The following LUZP2 variants were observed in gnomAD, a reference collection of about 807,000 sequenced individuals.
LUZP2 encodes the protein leucine zipper protein 2.
LUZP2 carries 52 observed loss-of-function variants against 51.6 expected under a neutral mutation model. That is an observed-to-expected ratio of 1.01 (90% CI 0.81 to 1.27). The LOEUF (loss-of-function observed/expected upper bound fraction) is 1.27, where lower values mean the gene tolerates loss of function less well. Among genes scored for constraint, LUZP2 ranks in the 50% most tolerant of loss-of-function variants. The probability of loss-of-function intolerance (pLI) is 0.00; values close to 1 mark genes in which losing one functional copy is unlikely to be tolerated. For missense variants in LUZP2, 436 were observed against 395.4 expected (o/e 1.10, Z -0.87); for synonymous variants, 154 against 137.3 (o/e 1.12, Z -0.85).
At chr11:24,856,390 C>A (rs1384116963) in intron 5 of LUZP2, among the ~76,000 whole-genome samples, 1 of 152,080 alleles carries the variant, frequency 6.6e-6, no homozygotes, top group African/African-American at 2.4e-5. Context: ...GAGATACCAT[C>A]TCATGCCAGT....
At chr11:24,905,132 T>G (rs984763676) in intron 5 of LUZP2, among the ~76,000 whole-genome samples, 2 of 152,038 alleles carry the variant, frequency 1.3e-5, no homozygotes, top group East Asian at 3.9e-4. Context: ...TAATAACAGA[T>G]CTAAATGGAG....
At chr11:24,637,141 A>G (rs1446074039) in intron 1 of LUZP2, among the ~76,000 whole-genome samples, 2 of 151,844 alleles carry the variant, frequency 1.3e-5, no homozygotes, top group African/African-American at 2.4e-5. Context: ...GAGTGTTAGA[A>G]ATATAAAAGC....
Position 24,914,556 on chromosome 11 carries a change from C to T in LUZP2, c.522+18C>T. ...TATTTAAGGTGAGTCTCTTTTCTCT[C>T]TTTTCCCTGAAACTTGCTAGCTCAA... is the stretch of plus-strand genomic sequence containing the variant. On this transcript the variant is annotated intron_variant, in intron 7 of 11. Transcript: ENST00000336930. The T allele has an allele frequency of 1.3e-6, 2 of 1,553,890 alleles. No individual in the cohort carries two copies. Among genetic ancestry groups the T allele is most frequent in the African/African-American group, 1.4e-5 (1 of 72,544 alleles).
At chr11:24,969,586 A>G (rs191184725) in intron 7 of LUZP2, among the ~76,000 whole-genome samples, 1 of 152,312 alleles carries the variant, frequency 6.6e-6, no homozygotes, top group Non-Finnish European at 1.5e-5. Flanking sequence ...AATATACTGT[A>G]TCTTCCCTTA....
At chr11:24,760,360 G>A (rs972455078) in intron 4 of LUZP2, among the ~76,000 whole-genome samples, 1 of 152,096 alleles carries the variant, frequency 6.6e-6, no homozygotes, top group Non-Finnish European at 1.5e-5. Context: ...GAGTGGAGGA[G>A]TCCATTCAGT....
intron 9 of LUZP2, 78 bp downstream of exon 9, chr11:24,983,371 C>A: frequency 7.3e-7 from 1 of 1,364,030 alleles, no homozygotes; most frequent in Non-Finnish European, 1.0e-6. Flanking sequence ...ATATAATCAC[C>A]AGAGTGGATT....
chr11:24,915,815 A>G (rs1853772765), intron 7 of LUZP2, among the ~76,000 whole-genome samples: 1 of 152,014 alleles, frequency 6.6e-6, no homozygotes, highest in South Asian at 2.1e-4. Context: ...GGTAAAAACC[A>G]CAATTACTCT....
intron 1 of LUZP2, among the ~76,000 whole-genome samples, chr11:24,661,497 C>A (rs1856020733): frequency 6.6e-6 from 1 of 152,134 alleles, no homozygotes; most frequent in Non-Finnish European, 1.5e-5. Flanking sequence ...TCAGATGTTG[C>A]ACTTGCACAG....
At chr11:24,563,834 T>C (rs1466493576) in intron 1 of LUZP2, among the ~76,000 whole-genome samples, 2 of 152,160 alleles carry the variant, frequency 1.3e-5, no homozygotes, top group Non-Finnish European at 2.9e-5. Flanking sequence ...CTTCATTTTA[T>C]TTTATTTTTA....
chr11:24,952,679 A>G (rs954459765), intron 7 of LUZP2, among the ~76,000 whole-genome samples: 4 of 151,866 alleles, frequency 2.6e-5, no homozygotes, highest in Non-Finnish European at 5.9e-5. Context: ...ACCTTTATAT[A>G]TGTTTCTTTG....
intron 5 of LUZP2, among the ~76,000 whole-genome samples, chr11:24,777,011 T>TC (rs1491073448): frequency 6.7e-6 from 1 of 149,068 alleles, no homozygotes; most frequent in Non-Finnish European, 1.5e-5. Flanking sequence ...TTTTTTTTTT[T>TC]TAGACAAGAG....
rs938575152 is a variant in LUZP2 at position 25,027,865 on chromosome 11, G to A, written c.766-22173G>A. ...AGCCTGGGCGAAAGAACGAAATTCC[G>A]TCTCAAAAAAAAAAAAAAAGGTGTT... On this transcript the variant is annotated intron_variant, in intron 9 of 11. Transcript: ENST00000336930. Among the ~76,000 whole-genome samples the A allele has an allele frequency of 1.4e-4, 8 of 57,708 alleles. No homozygotes were observed. The East Asian group carries it at 1.6e-3, about 12-fold the overall frequency. 37.9% of individuals were successfully genotyped at this position (57,708 alleles called of 152,430 possible).
chr11:24,672,015 C>T (rs1359386078), intron 1 of LUZP2, among the ~76,000 whole-genome samples: 2 of 152,016 alleles, frequency 1.3e-5, no homozygotes, highest in Non-Finnish European at 2.9e-5. Context: ...AGGGAATGGG[C>T]TTTTTGGCAA....
At chr11:24,639,134 A>G (rs1452986983) in intron 1 of LUZP2, among the ~76,000 whole-genome samples, 1 of 151,794 alleles carries the variant, frequency 6.6e-6, no homozygotes, top group Admixed American at 6.6e-5. Context: ...TTAATTTTCA[A>G]TCATGTCACT....
chr11:24,538,014 T>C (rs1343535213), intron 1 of LUZP2, among the ~76,000 whole-genome samples: 1 of 124,826 alleles, frequency 8.0e-6, no homozygotes, highest in Non-Finnish European at 1.8e-5. Context: ...ATAGGGCCAC[T>C]TCTTTGAAGA....
chr11:24,981,904 T>G (rs1293170998), intron 8 of LUZP2, among the ~76,000 whole-genome samples: 2 of 147,696 alleles, frequency 1.4e-5, no homozygotes, highest in African/African-American at 4.9e-5. Context: ...GAATTTAAAT[T>G]TTTAAGAGAA....
chr11:24,721,664 G>T (rs1019834120), intron 1 of LUZP2, among the ~76,000 whole-genome samples: 3 of 152,082 alleles, frequency 2.0e-5, no homozygotes, highest in African/African-American at 7.2e-5. Flanking sequence ...AAAATGTTAT[G>T]ATCTCTAAAT....
At chr11:24,880,868 T>C (rs1184195133) in intron 5 of LUZP2, among the ~76,000 whole-genome samples, 1 of 152,192 alleles carries the variant, frequency 6.6e-6, no homozygotes, top group East Asian at 1.9e-4. Context: ...TTTTGTTTTC[T>C]TTTTCTTCCC....
At chr11:24,821,394 T>A (rs977565418) in intron 5 of LUZP2, among the ~76,000 whole-genome samples, 3 of 152,160 alleles carry the variant, frequency 2.0e-5, no homozygotes, top group African/African-American at 7.2e-5. Context: ...TCAAATCAGT[T>A]AGTCAATAGC....
Sources: gnomAD v4.1 joint callset for allele counts (sites outside exome capture counted in the v4.1 genomes callset) on GRCh38, gnomAD v4.1.1 for gene constraint, MANE v1.5 for transcripts, NCBI Gene and HGNC (gene_info 2026-07-23, HGNC 2026-07-21) for gene names.